The following B3GLCT variants were observed in gnomAD, a reference collection of about 807,000 sequenced individuals.
B3GLCT encodes beta-1,3-glucosyltransferase.
B3GLCT carries 65 observed loss-of-function variants against 63.4 expected under a neutral mutation model. That is an observed-to-expected ratio of 1.03 (90% CI 0.84 to 1.26). B3GLCT has a LOEUF of 1.26. B3GLCT is among the 50% of genes most tolerant of loss of function. B3GLCT has a pLI of 0.00. For missense variants in B3GLCT, 577 were observed against 604.8 expected (o/e 0.95, Z 0.48); for synonymous variants, 233 against 219.2 (o/e 1.06, Z -0.55).
chr13:31,277,825 G>A (rs965729582), intron 10 of B3GLCT, among the ~76,000 whole-genome samples: 1 of 151,930 alleles, frequency 6.6e-6, no homozygotes, highest in African/African-American at 2.4e-5. Context: ...GCCTAAAATG[G>A]CCACACTAAA....
chr13:31,282,126 A>T (rs968800888), intron 10 of B3GLCT, among the ~76,000 whole-genome samples: 3 of 152,248 alleles, frequency 2.0e-5, no homozygotes, highest in African/African-American at 7.2e-5. Flanking sequence ...CAGGTAACTT[A>T]TTAAAGTATT....
chr13:31,289,822 ATT>A (rs916972921), intron 12 of B3GLCT, among the ~76,000 whole-genome samples: 2 of 151,586 alleles, frequency 1.3e-5, no homozygotes, highest in African/African-American at 4.9e-5. Context: ...GCCAGAATGG[ATT>A]TTTTTTATTG....
At chr13:31,280,833 G>A (rs2137870118) in intron 10 of B3GLCT, among the ~76,000 whole-genome samples, 1 of 152,280 alleles carries the variant, frequency 6.6e-6, no homozygotes, top group East Asian at 1.9e-4. Context: ...TTGGCTCAAG[G>A]AAGTAATACA....
intron 7 of B3GLCT, among the ~76,000 whole-genome samples, chr13:31,267,301 G>A (rs577636606): frequency 1.2e-4 from 19 of 152,350 alleles, no homozygotes; most frequent in African/African-American, 3.8e-4. Context: ...TTCCTTGCCT[G>A]TGGCAATAAG....
intron 1 of B3GLCT, among the ~76,000 whole-genome samples, chr13:31,207,162 G>T (rs1869002720): frequency 6.6e-6 from 1 of 152,116 alleles, no homozygotes; most frequent in Non-Finnish European, 1.5e-5. Context: ...TACTTTTAAA[G>T]ACCTACTTCT....
chr13:31,311,433 CA>C (rs1004452966), intron 12 of B3GLCT: 3 of 152,232 alleles, frequency 2.0e-5, no homozygotes, highest in African/African-American at 7.2e-5. Context: ...TTTGATCTGT[CA>C]CACATCAATA....
chr13:31,292,643 G>A (rs1873727865), intron 12 of B3GLCT, among the ~76,000 whole-genome samples: 3 of 151,508 alleles, frequency 2.0e-5, no homozygotes. Flanking sequence ...ATTTCTGTGG[G>A]ATCAGTGGTT....
chr13:31,273,092 T>C (rs1025170556), intron 8 of B3GLCT, among the ~76,000 whole-genome samples: 3 of 152,188 alleles, frequency 2.0e-5, no homozygotes, highest in African/African-American at 7.2e-5. Context: ...TCTTTTTTCT[T>C]TCTTTGTTTT....
chr13:31,223,138 G>T (rs1869908762), intron 3 of B3GLCT, 147 bp downstream of exon 3: 2 of 641,278 alleles, frequency 3.1e-6, no homozygotes, highest in Non-Finnish European at 5.5e-6. Flanking sequence ...CCTAACGTTT[G>T]CTCTCCTGAA....
chr13:31,272,368 C>G (rs1174947241), intron 8 of B3GLCT, among the ~76,000 whole-genome samples: 1 of 152,002 alleles, frequency 6.6e-6, no homozygotes, highest in Non-Finnish European at 1.5e-5. Flanking sequence ...GTGCCCGCCA[C>G]CATGCCCGGC....
chr13:31,210,919 T>TTTTTTC (rs1336123324), intron 1 of B3GLCT, among the ~76,000 whole-genome samples: 5 of 152,088 alleles, frequency 3.3e-5, no homozygotes, highest in Non-Finnish European at 5.9e-5. Flanking sequence ...TAAGCATTAA[T>TTTTTTC]TTTTTCTTTT....
chr13:31,216,386 T>C (rs534209717), intron 2 of B3GLCT, among the ~76,000 whole-genome samples: 61 of 152,356 alleles, frequency 4.0e-4, no homozygotes, highest in African/African-American at 1.3e-3. Context: ...CATGATTTTT[T>C]TTTCTTTTCA....
At chr13:31,308,347 T>TTAAAAAAAAAAAAAAAAAAAAAAAAA (rs1450252463) in intron 12 of B3GLCT, among the ~76,000 whole-genome samples, 4 of 23,674 alleles carry the variant, frequency 1.7e-4, no homozygotes, top group South Asian at 2.3e-3. Flanking sequence ...AAAAAAAAAT[T>TTAAAAAAAAAAAAAAAAAAAAAAAAA]AAAAAAAAAA....
In B3GLCT at chr13:31,282,470, T is replaced by G. The variant is rs552817724; in HGVS notation, c.851-2178T>G. On this transcript the variant is annotated intron_variant, in intron 10 of 14. Coordinates refer to ENST00000343307, the MANE Select transcript of B3GLCT (RefSeq NM_194318.4). ...CTGGCTAACACGGTGAAACCCTGTC[T>G]CTACTAAAAAATACAAAAAAAATTA... is the stretch of plus-strand genomic sequence containing the variant. Among the ~76,000 whole-genome samples, 3 of 152,050 alleles carry G rather than the reference T, an allele frequency of 2.0e-5. No homozygotes were observed. In the East Asian group the frequency reaches 5.8e-4, roughly 29 times the overall value.
At chr13:31,223,672 C>T (rs56109174) in intron 3 of B3GLCT, among the ~76,000 whole-genome samples, 1 of 152,144 alleles carries the variant, frequency 6.6e-6, no homozygotes, top group Non-Finnish European at 1.5e-5. Context: ...GGCCACACCT[C>T]TGTGTGTAGG....
At chr13:31,280,641 A>G (rs1049793495) in intron 10 of B3GLCT, among the ~76,000 whole-genome samples, 2 of 152,194 alleles carry the variant, frequency 1.3e-5, no homozygotes, top group Non-Finnish European at 2.9e-5. Context: ...GATTGCATTT[A>G]TTTTTTATAC....
In B3GLCT at chr13:31,317,625, G is replaced by GA; in HGVS notation, c.1125dup (p.Glu376ArgfsTer35). The GA allele has an allele frequency of 6.2e-7, 1 of 1,614,082 alleles. No individual in the cohort carries two copies. The highest frequency in any genetic ancestry group is 1.1e-5 in the South Asian group (1 of 91,072). ...GACTCCGGCGAGCCTGTGTTTCTGG[G>GA]AGAGCGCTACGGCTACGGCCTGGGC... On this transcript the variant is annotated frameshift_variant, in exon 13 of 15. Transcript: ENST00000343307. LOFTEE classifies it high-confidence loss of function.
At chr13:31,236,151 C>T (rs1252143645) in intron 4 of B3GLCT, among the ~76,000 whole-genome samples, 2 of 152,196 alleles carry the variant, frequency 1.3e-5, no homozygotes, top group South Asian at 4.1e-4. Flanking sequence ...GTTCCCTATT[C>T]CTTTTTGCAT....
intron 12 of B3GLCT, among the ~76,000 whole-genome samples, chr13:31,289,358 T>A (rs1311824650): frequency 1.3e-5 from 2 of 152,146 alleles, no homozygotes; most frequent in Non-Finnish European, 2.9e-5. Flanking sequence ...GTCCCAAATG[T>A]AGCAAAAGAG....
Sources: allele counts gnomAD v4.1 joint callset (sites outside exome capture counted in the v4.1 genomes callset), GRCh38; gene constraint gnomAD v4.1.1; transcripts MANE v1.5; gene names NCBI Gene and HGNC (gene_info 2026-07-23, HGNC 2026-07-21).